ZC4H2: variants seen among roughly 807,000 people sequenced by gnomAD.
The protein encoded by ZC4H2 is zinc finger C4H2 domain-containing protein.
For synonymous variants in ZC4H2, 84 were observed against 66.3 expected (o/e 1.27, Z -1.30); for missense variants, 137 against 173.9 (o/e 0.79, Z 1.19).
chrX:64,952,310 T>A (rs1291624319), intron 1 of ZC4H2, among the ~76,000 whole-genome samples: 3 of 108,624 alleles, frequency 2.8e-5, no homozygotes, highest in Non-Finnish European at 5.7e-5. Flanking sequence ...ATATGAACTT[T>A]CAAGTAGTTT....
intron 1 of ZC4H2, among the ~76,000 whole-genome samples, chrX:64,999,791 A>C (rs948517417): frequency 8.9e-6 from 1 of 111,988 alleles, no homozygotes; most frequent in African/African-American, 3.2e-5. Context: ...TTGAGTAGGC[A>C]CTTATCCCCT....
At chrX:65,026,684 G>A (rs1263557169) in intron 1 of ZC4H2, among the ~76,000 whole-genome samples, 2 of 110,077 alleles carry the variant, frequency 1.8e-5, no homozygotes, top group African/African-American at 3.3e-5. Flanking sequence ...ACTCCAGCCT[G>A]GGCAACAGAG....
chrX:65,009,278 G>A (rs1407370243), intron 1 of ZC4H2, among the ~76,000 whole-genome samples: 3 of 111,502 alleles, frequency 2.7e-5, no homozygotes, highest in East Asian at 5.7e-4. Context: ...AGTGCAGGGA[G>A]AATGGGTAGC....
At chrX:65,032,072 C>G (rs769964726) in intron 1 of ZC4H2, among the ~76,000 whole-genome samples, 1 of 110,852 alleles carries the variant, frequency 9.0e-6, no homozygotes, top group Non-Finnish European at 1.9e-5. Flanking sequence ...GAGTTTTTAC[C>G]TTTCTATCGT....
upstream of ZC4H2, among the ~76,000 whole-genome samples, chrX:64,979,674 G>C (rs1460473952): frequency 1.8e-5 from 2 of 111,959 alleles, no homozygotes; most frequent in Non-Finnish European, 3.8e-5. Flanking sequence ...CAAGGTGGTG[G>C]CTTTTCCATA....
At chrX:64,964,417 T>C (rs774469795) in intron 1 of ZC4H2, among the ~76,000 whole-genome samples, 6 of 111,312 alleles carry the variant, frequency 5.4e-5, no homozygotes, top group Middle Eastern at 4.7e-3. Context: ...AGCTATATCA[T>C]AATCAAATTG....
At chrX:64,938,004 T>G (rs1930094278) in intron 1 of ZC4H2, among the ~76,000 whole-genome samples, 1 of 111,645 alleles carries the variant, frequency 9.0e-6, no homozygotes, top group Non-Finnish European at 1.9e-5. Context: ...GAGCTGGTTT[T>G]TGAAAAAAGT....
chrX:65,020,909 A>G (rs933796380), intron 1 of ZC4H2, among the ~76,000 whole-genome samples: 2 of 111,874 alleles, frequency 1.8e-5, no homozygotes, highest in African/African-American at 6.5e-5. Context: ...CTTTAAACCA[A>G]CAAAGCTCAA....
chrX:64,976,463 C>T, upstream of ZC4H2: 1 of 1,031,080 alleles, frequency 9.7e-7, no homozygotes, highest in African/African-American at 1.8e-5. Flanking sequence ...CCACCTCCTC[C>T]GGGCTTGGGG....
chrX:65,024,144 G>T (rs1227712263), intron 1 of ZC4H2, among the ~76,000 whole-genome samples: 2 of 110,451 alleles, frequency 1.8e-5, no homozygotes, highest in East Asian at 2.9e-4. Context: ...AGCATTAGGA[G>T]AAATACCTAA....
intron 1 of ZC4H2, among the ~76,000 whole-genome samples, chrX:65,017,034 A>C (rs769611682): frequency 8.9e-6 from 1 of 111,957 alleles, no homozygotes; most frequent in East Asian, 2.8e-4. Flanking sequence ...CCTTCCGTTT[A>C]GAAAGAGGGA....
Position 64,953,175 on chromosome X carries a change from A to G in ZC4H2, c.53+23150T>C, listed in dbSNP as rs1258801468. On this transcript the variant is annotated intron_variant, in intron 1 of 4. Transcript: ENST00000374839. ...CACCTTATACAAAAATTAATTCAAG[A>G]TGGATTAAAGACCTAAATGTTAGAC... Among the ~76,000 whole-genome samples the G allele has an allele frequency of 2.7e-5, 3 of 112,285 alleles. No homozygotes were observed. In the East Asian group the frequency reaches 8.3e-4, roughly 31 times the overall value.
intron 1 of ZC4H2, among the ~76,000 whole-genome samples, chrX:65,022,694 A>G (rs1233535032): frequency 8.9e-6 from 1 of 111,986 alleles, no homozygotes; most frequent in Non-Finnish European, 1.9e-5. Flanking sequence ...ACTCCCATTC[A>G]CAATTGCTAC....
intron 1 of ZC4H2, among the ~76,000 whole-genome samples, chrX:64,942,488 C>G (rs1370205739): frequency 2.0e-5 from 2 of 100,599 alleles, no homozygotes; most frequent in African/African-American, 3.7e-5. Context: ...CTTGCCCCCC[C>G]ACCCCCCAAC....
chrX:64,971,499 T>C (rs1024049861), intron 1 of ZC4H2, among the ~76,000 whole-genome samples: 2 of 111,994 alleles, frequency 1.8e-5, no homozygotes, highest in Non-Finnish European at 3.8e-5. Context: ...GGAGTCAACA[T>C]TGACTTTCAG....
Position 64,976,382 on chromosome X carries a change from T to C in ZC4H2, c.-5A>G, listed in dbSNP as rs1602433383. On this transcript the variant is annotated 5_prime_UTR_variant, in exon 1 of 5. Transcript: ENST00000374839. Reference sequence around the variant, plus strand: ...GATTTCTTGCTCATCTGCCATACTTTTCACTGTCAATTTCACGTCCCGAGA... The same window carrying C: ...GATTTCTTGCTCATCTGCCATACTTCTCACTGTCAATTTCACGTCCCGAGA... 8.3e-7 allele frequency: 1 copy of C among 1,211,038 alleles called. No individual in the cohort carries two copies. The highest frequency in any genetic ancestry group is 1.7e-5 in the African/African-American group (1 of 57,774).
At chrX:64,922,201 A>G (rs1167309734) in intron 1 of ZC4H2, 1 of 880,628 alleles carries the variant, frequency 1.1e-6, no homozygotes, top group Non-Finnish European at 1.5e-6. Context: ...ACTTGAGCCC[A>G]GGAGTTTGAA....
chrX:65,022,849 A>G (rs771143865), intron 1 of ZC4H2, among the ~76,000 whole-genome samples: 1 of 112,368 alleles, frequency 8.9e-6, no homozygotes, highest in Non-Finnish European at 1.9e-5. Context: ...AAGAATCAAT[A>G]CCATGAAAAT....
At chrX:64,951,635 T>C (rs1370644400) in intron 1 of ZC4H2, among the ~76,000 whole-genome samples, 2 of 111,946 alleles carry the variant, frequency 1.8e-5, no homozygotes, top group African/African-American at 3.3e-5. Flanking sequence ...TTCGCCCATT[T>C]TTTGATGGGG....
Sources: allele counts gnomAD v4.1 joint callset (sites outside exome capture counted in the v4.1 genomes callset), GRCh38; gene constraint gnomAD v4.1.1; transcripts MANE v1.5; gene names NCBI Gene and HGNC (gene_info 2026-07-23, HGNC 2026-07-21).